The following ZNF385D variants were observed in gnomAD, a reference collection of about 807,000 sequenced individuals.
The protein encoded by ZNF385D is zinc finger protein 385D, also known as zinc finger protein 659.
A neutral mutation model predicts 35.8 loss-of-function variants in ZNF385D; 15 were observed. The ratio of observed to expected loss-of-function variants is 0.42; its 90% CI spans 0.28 to 0.64. The LOEUF (loss-of-function observed/expected upper bound fraction) is 0.64, where lower values mean the gene tolerates loss of function less well. Among genes scored for constraint, ZNF385D ranks in the 30% least tolerant of loss-of-function variants. ZNF385D has a pLI of 0.23. For synonymous variants in ZNF385D, 212 were observed against 186.8 expected (o/e 1.13, Z -1.10); for missense variants, 474 against 494.6 (o/e 0.96, Z 0.39).
At chr3:22,304,302 G>A (rs74390953) in intron 2 of ZNF385D, among the ~76,000 whole-genome samples, 1 of 152,054 alleles carries the variant, frequency 6.6e-6, no homozygotes, top group Non-Finnish European at 1.5e-5. Context: ...TAGATATGTT[G>A]AAGTCAAAAT....
At chr3:22,215,121 G>C (rs1022653171) in intron 2 of ZNF385D, among the ~76,000 whole-genome samples, 1 of 151,932 alleles carries the variant, frequency 6.6e-6, no homozygotes, top group African/African-American at 2.4e-5. Context: ...AATATCGGGG[G>C]TGACTTTTGC....
chr3:21,683,202 A>T (rs2066972145), intron 1 of ZNF385D, among the ~76,000 whole-genome samples: 1 of 149,968 alleles, frequency 6.7e-6, no homozygotes, highest in South Asian at 2.1e-4. Flanking sequence ...GTGTGTCTCT[A>T]GGCATATTTA....
At chr3:22,231,211 T>C (rs1173306255) in intron 2 of ZNF385D, among the ~76,000 whole-genome samples, 1 of 152,150 alleles carries the variant, frequency 6.6e-6, no homozygotes, top group Non-Finnish European at 1.5e-5. Context: ...CACTGGAGCA[T>C]TACTCATCCT....
At chr3:21,519,256 T>C (rs149342532) in intron 3 of ZNF385D, among the ~76,000 whole-genome samples, 6 of 152,280 alleles carry the variant, frequency 3.9e-5, no homozygotes, top group Non-Finnish European at 7.4e-5. Flanking sequence ...CTCAGATACA[T>C]TTGGTAACTA....
At chr3:22,124,713 T>A (rs1243126404) in intron 3 of ZNF385D, among the ~76,000 whole-genome samples, 1 of 152,196 alleles carries the variant, frequency 6.6e-6, no homozygotes, top group African/African-American at 2.4e-5. Flanking sequence ...TATTTGTATG[T>A]CTTTTTTGCG....
chr3:22,284,252 G>A (rs537578709), intron 2 of ZNF385D, among the ~76,000 whole-genome samples: 2 of 152,102 alleles, frequency 1.3e-5, no homozygotes, highest in South Asian at 4.1e-4. Flanking sequence ...GCAGTGGCGC[G>A]ATCTTGGCTC....
chr3:22,115,971 T>C (rs940399544), intron 3 of ZNF385D, among the ~76,000 whole-genome samples: 4 of 152,074 alleles, frequency 2.6e-5, no homozygotes, highest in African/African-American at 9.7e-5. Flanking sequence ...AAACTGAAGC[T>C]GGAAGCTAAA....
intron 2 of ZNF385D, among the ~76,000 whole-genome samples, chr3:22,261,483 T>C (rs969502531): frequency 6.6e-6 from 1 of 151,916 alleles, no homozygotes; most frequent in African/African-American, 2.4e-5. Context: ...TTCTAGGAGC[T>C]AGTATATTGT....
intron 1 of ZNF385D, among the ~76,000 whole-genome samples, chr3:21,728,998 T>C (rs142521822): frequency 1.8e-3 from 279 of 152,324 alleles, no homozygotes; most frequent in Non-Finnish European, 3.5e-3. Context: ...ATTCAGCACA[T>C]ATGCAAGGAA....
At chr3:21,997,808 C>G (rs1454307020) in intron 3 of ZNF385D, among the ~76,000 whole-genome samples, 1 of 151,804 alleles carries the variant, frequency 6.6e-6, no homozygotes, top group Non-Finnish European at 1.5e-5. Flanking sequence ...CTCAAAGTCT[C>G]TGGATAGAAT....
intron 3 of ZNF385D, among the ~76,000 whole-genome samples, chr3:21,875,770 A>G (rs1559713498): frequency 1.3e-5 from 2 of 152,072 alleles, no homozygotes; most frequent in Admixed American, 6.6e-5. Flanking sequence ...CACTGTTGTC[A>G]TCTTCATTGT....
intron 4 of ZNF385D, among the ~76,000 whole-genome samples, chr3:21,440,569 T>C (rs954882670): frequency 6.6e-6 from 1 of 152,080 alleles, no homozygotes; most frequent in African/African-American, 2.4e-5. Context: ...GAAAATCAAA[T>C]AAAGAATGGG....
intron 3 of ZNF385D, among the ~76,000 whole-genome samples, chr3:21,809,839 C>T (rs535813654): frequency 6.6e-6 from 1 of 151,346 alleles, no homozygotes; most frequent in Admixed American, 6.6e-5. Flanking sequence ...GAATATAAAC[C>T]AAAAGCTAAC....
At chr3:21,768,649 C>T (rs2070938120) in intron 3 of ZNF385D, among the ~76,000 whole-genome samples, 1 of 151,954 alleles carries the variant, frequency 6.6e-6, no homozygotes, top group Non-Finnish European at 1.5e-5. Context: ...GAAAAAAAGA[C>T]TTTGTCTTCC....
intron 3 of ZNF385D, among the ~76,000 whole-genome samples, chr3:21,790,866 T>G (rs543020242): frequency 1.3e-5 from 2 of 152,342 alleles, no homozygotes; most frequent in African/African-American, 4.8e-5. Context: ...AATGTGAAAT[T>G]TGATAGCTAG....
At chr3:22,288,160 T>C (rs938033519) in intron 2 of ZNF385D, among the ~76,000 whole-genome samples, 1 of 152,088 alleles carries the variant, frequency 6.6e-6, no homozygotes, top group Non-Finnish European at 1.5e-5. Context: ...ATGTAACAAG[T>C]AGTTCTCTTG....
rs34889320 is a variant in ZNF385D, at chr3:22,300,388, ATT to A, written c.106+72060_106+72061del. ...CTGACATTGATTGGTCTGGGCAATGATTTTTTTTTTTTTTGGATATAACCCCA... is the reference window on the plus strand; with the variant it reads ...CTGACATTGATTGGTCTGGGCAATGATTTTTTTTTTTTGGATATAACCCCA... On this transcript the variant is annotated intron_variant, in intron 2 of 5. Coordinates refer to the ZNF385D transcript ENST00000494108. Among the ~76,000 whole-genome samples the A allele has an allele frequency of 1.4e-3, 213 of 147,136 alleles. 1 individual carries two copies. Among genetic ancestry groups the A allele is most frequent in the African/African-American group, 1.5e-3 (59 of 40,222 alleles).
intron 3 of ZNF385D, among the ~76,000 whole-genome samples, chr3:21,784,009 G>A (rs1057418960): frequency 3.3e-5 from 5 of 151,960 alleles, no homozygotes; most frequent in Admixed American, 6.6e-5. Flanking sequence ...AGGACTCACA[G>A]ACTGCAGTAC....
chr3:22,311,965 A>G (rs2125429310), intron 2 of ZNF385D, among the ~76,000 whole-genome samples: 1 of 152,262 alleles, frequency 6.6e-6, no homozygotes, highest in Admixed American at 6.5e-5. Flanking sequence ...CAGTTTATGC[A>G]TTATGCAACA....
Sources: gnomAD v4.1 joint callset for allele counts (sites outside exome capture counted in the v4.1 genomes callset) on GRCh38, gnomAD v4.1.1 for gene constraint, MANE v1.5 for transcripts, NCBI Gene and HGNC (gene_info 2026-07-23, HGNC 2026-07-21) for gene names.